Variants in RCSD1 observed in about 807,000 individuals in gnomAD.
RCSD1 encodes the protein RCSD domain containing 1.
Under a neutral mutation model 42.5 loss-of-function variants are expected in RCSD1, and 26 were observed. The observed-to-expected ratio is 0.61, with a 90% confidence interval of 0.45 to 0.85. The LOEUF (loss-of-function observed/expected upper bound fraction) is 0.85. Among genes scored for constraint, RCSD1 ranks in the 40% least tolerant of loss-of-function variants. The pLI is 0.00. For missense variants in RCSD1, 571 were observed against 528.3 expected (o/e 1.08, Z -0.79); for synonymous variants, 220 against 212.2 (o/e 1.04, Z -0.32).
chr1:167,635,769 T>C (rs2102193485), intron 1 of RCSD1, among the ~76,000 whole-genome samples: 1 of 152,324 alleles, frequency 6.6e-6, no homozygotes, highest in Non-Finnish European at 1.5e-5. Context: ...AATCTTTAAC[T>C]GCCCTCTGCC....
chr1:167,689,667 G>A (rs1659327404), intron 3 of RCSD1, among the ~76,000 whole-genome samples: 1 of 152,088 alleles, frequency 6.6e-6, no homozygotes, highest in Non-Finnish European at 1.5e-5. Context: ...CAAACAGGAT[G>A]GTAATTTTTG....
intron 1 of RCSD1, chr1:167,664,518 A>T (rs1168383052): frequency 6.6e-6 from 1 of 152,234 alleles, no homozygotes; most frequent in Non-Finnish European, 1.5e-5. Flanking sequence ...CTACAATAAA[A>T]TTCACCCCTT....
intron 3 of RCSD1, among the ~76,000 whole-genome samples, chr1:167,687,438 G>A (rs1469764718): frequency 2.0e-5 from 3 of 151,820 alleles, no homozygotes; most frequent in African/African-American, 7.3e-5. Context: ...CAGGAGAATG[G>A]CGTGAACCCC....
intron 1 of RCSD1, among the ~76,000 whole-genome samples, chr1:167,672,781 C>T (rs953657688): frequency 7.9e-5 from 12 of 152,326 alleles, no homozygotes; most frequent in African/African-American, 2.9e-4. Flanking sequence ...TCTTTGAGGG[C>T]CATTATTCTG....
At chr1:167,652,519 G>A (rs1658336938) in intron 1 of RCSD1, among the ~76,000 whole-genome samples, 1 of 152,184 alleles carries the variant, frequency 6.6e-6, no homozygotes, top group Non-Finnish European at 1.5e-5. Context: ...CTGCTCCCTC[G>A]AGACAGACCA....
intron 5 of RCSD1, among the ~76,000 whole-genome samples, chr1:167,696,327 A>C (rs1245868086): frequency 1.3e-5 from 2 of 152,100 alleles, no homozygotes; most frequent in Non-Finnish European, 2.9e-5. Context: ...TCACAAGATA[A>C]AAGTCTGACT....
At chr1:167,687,384 G>A (rs534854628) in intron 3 of RCSD1, among the ~76,000 whole-genome samples, 1 of 151,910 alleles carries the variant, frequency 6.6e-6, no homozygotes, top group South Asian at 2.1e-4. Context: ...ATTAGCAGGC[G>A]TGGTGGCAGG....
chr1:167,684,154 A>T (rs1659160630), intron 2 of RCSD1, among the ~76,000 whole-genome samples, 153 bp downstream of exon 2: 1 of 152,148 alleles, frequency 6.6e-6, no homozygotes, highest in Admixed American at 6.5e-5. Context: ...GAATGTGAGG[A>T]ATGTCTCACT....
chr1:167,683,306 A>G lies in RCSD1; in HGVS notation c.7-594A>G, dbSNP rs543366002. Among the ~76,000 whole-genome samples the G allele has an allele frequency of 2.0e-4, 30 of 152,370 alleles. No individual in the cohort carries two copies. In the South Asian group the frequency reaches 5.8e-3, roughly 29 times the overall value. On this transcript the variant is annotated intron_variant, in intron 1 of 6. Transcript: ENST00000367854. The stretch of plus-strand genomic sequence containing the variant: ...GCTACAGCCATCCTTGTCAAGGCAC[A>G]GAAAGGCTAAGCCATTTGCCCCAGG...
At chr1:167,687,670 T>TG (rs1659270089) in intron 3 of RCSD1, among the ~76,000 whole-genome samples, 1 of 152,220 alleles carries the variant, frequency 6.6e-6, no homozygotes, top group African/African-American at 2.4e-5. Flanking sequence ...CTGGAAACCT[T>TG]GGGGGCCTGC....
At chr1:167,694,005 C>A in intron 4 of RCSD1, 94 bp from the exon 5 acceptor site, 2 of 1,225,720 alleles carry the variant, frequency 1.6e-6, no homozygotes, top group Non-Finnish European at 2.4e-6. Flanking sequence ...TACCTAGTCT[C>A]AACCAGGCCT....
chr1:167,647,901 T>C (rs531766704), intron 1 of RCSD1, among the ~76,000 whole-genome samples: 2 of 152,344 alleles, frequency 1.3e-5, no homozygotes, highest in African/African-American at 4.8e-5. Context: ...TTGAAATTCA[T>C]CATCTTAACA....
chr1:167,662,569 C>T (rs1229377), intron 1 of RCSD1, among the ~76,000 whole-genome samples: 20,267 of 152,254 alleles, frequency 0.13, 1,812 homozygotes, highest in Non-Finnish European at 0.18. Flanking sequence ...ACCTCCTAGG[C>T]TATTTGAGCC....
intron 1 of RCSD1, among the ~76,000 whole-genome samples, chr1:167,669,481 A>G (rs990488542): frequency 9.2e-5 from 14 of 152,238 alleles, no homozygotes; most frequent in African/African-American, 3.4e-4. Flanking sequence ...GTCTATTTGC[A>G]GCAGGCAGGG....
At chr1:167,693,969 G>A (rs902252382) in intron 4 of RCSD1, 130 bp from the exon 5 acceptor site, 2 of 765,710 alleles carry the variant, frequency 2.6e-6, no homozygotes, top group African/African-American at 3.5e-5. Context: ...ATAATGGGTT[G>A]GGAAGTAGCA....
intron 1 of RCSD1, among the ~76,000 whole-genome samples, chr1:167,666,838 G>T (rs938910189): frequency 6.6e-6 from 1 of 152,212 alleles, no homozygotes; most frequent in Non-Finnish European, 1.5e-5. Flanking sequence ...CAAGGGGGAC[G>T]GCTTTGAATG....
intron 6 of RCSD1, 113 bp from the exon 7 acceptor site, chr1:167,704,551 T>C: frequency 1.1e-6 from 1 of 882,692 alleles, no homozygotes; most frequent in Admixed American, 1.9e-5. Context: ...TCATTCTTAC[T>C]ATTACTCCTA....
At chr1:167,693,680 G>A (rs1018873276) in intron 4 of RCSD1, among the ~76,000 whole-genome samples, 29 of 152,212 alleles carry the variant, frequency 1.9e-4, no homozygotes, top group African/African-American at 7.0e-4. Flanking sequence ...AGCTACATGT[G>A]CCCTGCAATA....
chr1:167,666,117 A>G (rs904664596), intron 1 of RCSD1, among the ~76,000 whole-genome samples: 7 of 152,190 alleles, frequency 4.6e-5, no homozygotes, highest in African/African-American at 1.2e-4. Flanking sequence ...TAGCCAAATG[A>G]GCACTTTTTA....
Sources: allele counts gnomAD v4.1 joint callset (sites outside exome capture counted in the v4.1 genomes callset), GRCh38; gene constraint gnomAD v4.1.1; transcripts MANE v1.5; gene names NCBI Gene and HGNC (gene_info 2026-07-23, HGNC 2026-07-21).